Variants in FHIT observed in about 807,000 individuals in gnomAD.
The protein encoded by FHIT is fragile histidine triad diadenosine triphosphatase.
A neutral mutation model predicts 17.9 loss-of-function variants in FHIT; 19 were observed. The observed-to-expected ratio is 1.06, with a 90% CI of 0.74 to 1.56. The LOEUF (loss-of-function observed/expected upper bound fraction) is 1.56, where lower values mean the gene tolerates loss of function less well. Ranked by LOEUF, FHIT falls within the 40% of genes most tolerant of loss-of-function variation. FHIT has a pLI of 0.00. For missense variants in FHIT, 248 were observed against 189.2 expected, an observed-to-expected ratio of 1.31 and a Z score of -1.82; for synonymous variants, 81 against 69.7, an observed-to-expected ratio of 1.16 and a Z score of -0.81.
chr3:60,504,001 T>G (rs190166229), intron 5 of FHIT, among the ~76,000 whole-genome samples: 26 of 152,290 alleles, frequency 1.7e-4, no homozygotes, highest in African/African-American at 5.3e-4. Context: ...ATCACCAGAT[T>G]ATATCACAAA....
At chr3:60,955,881 A>C (rs1267824151) in intron 3 of FHIT, among the ~76,000 whole-genome samples, 1 of 152,076 alleles carries the variant, frequency 6.6e-6, no homozygotes, top group African/African-American at 2.4e-5. Context: ...TATTTTATAA[A>C]TACAACATGT....
intron 8 of FHIT, among the ~76,000 whole-genome samples, chr3:59,903,836 A>T (rs529923314): frequency 1.1e-4 from 16 of 152,290 alleles, no homozygotes; most frequent in African/African-American, 3.8e-4. Context: ...AGTTGAAGAG[A>T]AGGCAAAGTT....
chr3:61,122,344 A>T (rs1286502685), intron 2 of FHIT, among the ~76,000 whole-genome samples: 2 of 152,224 alleles, frequency 1.3e-5, no homozygotes. Flanking sequence ...CACCTTATAC[A>T]AAAATTAACT....
chr3:59,834,138 G>A (rs1230772549), intron 8 of FHIT, among the ~76,000 whole-genome samples: 1 of 152,164 alleles, frequency 6.6e-6, no homozygotes, highest in Non-Finnish European at 1.5e-5. Flanking sequence ...GCAGCACAAT[G>A]CAATGGTCAT....
chr3:60,307,929 A>C (rs887881787), intron 5 of FHIT, among the ~76,000 whole-genome samples: 1 of 152,156 alleles, frequency 6.6e-6, no homozygotes, highest in African/African-American at 2.4e-5. Flanking sequence ...GACAGTAGCC[A>C]ACATTTACCA....
chr3:60,535,011 A>G (rs1451302275), intron 5 of FHIT, among the ~76,000 whole-genome samples: 2 of 152,224 alleles, frequency 1.3e-5, no homozygotes, highest in Non-Finnish European at 2.9e-5. Flanking sequence ...AGTTCATTCC[A>G]TTATTAACCA....
At chr3:60,595,269 G>A in intron 4 of FHIT, among the ~76,000 whole-genome samples, 1 of 152,062 alleles carries the variant, frequency 6.6e-6, no homozygotes, top group East Asian at 1.9e-4. Context: ...CATCAAGAAA[G>A]TAGGATGGAC....
chr3:60,565,727 A>AT (rs1354201429), intron 4 of FHIT, among the ~76,000 whole-genome samples: 1 of 152,144 alleles, frequency 6.6e-6, no homozygotes. Flanking sequence ...GGATTCACTG[A>AT]TTTTTTGAAG....
intron 3 of FHIT, among the ~76,000 whole-genome samples, chr3:61,024,252 A>G (rs1575858038): frequency 6.6e-6 from 1 of 152,158 alleles, no homozygotes; most frequent in East Asian, 1.9e-4. Flanking sequence ...CAAAGCTTCA[A>G]AGGACTTTCT....
chr3:60,776,620 C>A (rs193275959), intron 4 of FHIT, among the ~76,000 whole-genome samples: 17 of 152,302 alleles, frequency 1.1e-4, no homozygotes, highest in Non-Finnish European at 2.1e-4. Context: ...ACACACGGAA[C>A]TAACCGCACC....
intron 2 of FHIT, among the ~76,000 whole-genome samples, chr3:61,045,879 C>G (rs2033761050): frequency 6.6e-6 from 1 of 152,104 alleles, no homozygotes; most frequent in African/African-American, 2.4e-5. Context: ...CAACCTGCTC[C>G]TAAATGACTA....
chr3:60,596,495 A>T (rs1295806888), intron 4 of FHIT, among the ~76,000 whole-genome samples: 1 of 152,012 alleles, frequency 6.6e-6, no homozygotes, highest in Non-Finnish European at 1.5e-5. Flanking sequence ...TAATCTCCAA[A>T]ATCCTTTCCA....
At chr3:61,054,743 A>C (rs2034155501) in intron 2 of FHIT, among the ~76,000 whole-genome samples, 1 of 152,150 alleles carries the variant, frequency 6.6e-6, no homozygotes, top group African/African-American at 2.4e-5. Context: ...CTGGATGGAC[A>C]GCTGTCTCCT....
chr3:60,877,857 T>C (rs1000143107), intron 3 of FHIT, among the ~76,000 whole-genome samples: 2 of 152,114 alleles, frequency 1.3e-5, no homozygotes, highest in African/African-American at 4.8e-5. Flanking sequence ...TGCTACTCCC[T>C]GCCCTCCAGG....
chr3:60,455,798 A>C (rs1388150831), intron 5 of FHIT, among the ~76,000 whole-genome samples: 1 of 152,114 alleles, frequency 6.6e-6, no homozygotes, highest in Non-Finnish European at 1.5e-5. Context: ...AAATTATTTG[A>C]ATAAACATTG....
At chr3:60,466,702 T>G (rs1259755034) in intron 5 of FHIT, among the ~76,000 whole-genome samples, 1 of 152,122 alleles carries the variant, frequency 6.6e-6, no homozygotes, top group Non-Finnish European at 1.5e-5. Context: ...CATCCTTGCG[T>G]AACTGGAATA....
At chr3:60,343,916 C>G (rs1256279903) in intron 5 of FHIT, among the ~76,000 whole-genome samples, 1 of 152,118 alleles carries the variant, frequency 6.6e-6, no homozygotes, top group Non-Finnish European at 1.5e-5. Flanking sequence ...AATCATGTAT[C>G]ACTTTCTCTT....
intron 7 of FHIT, among the ~76,000 whole-genome samples, chr3:59,970,911 G>A (rs1248085379): frequency 2.2e-4 from 18 of 81,872 alleles, no homozygotes; most frequent in African/African-American, 6.6e-4. Context: ...GACGGAACAA[G>A]CAGGGATTAA....
chr3:59,815,338 A>G (rs1044523964), intron 8 of FHIT, among the ~76,000 whole-genome samples: 2 of 152,190 alleles, frequency 1.3e-5, no homozygotes, highest in African/African-American at 4.8e-5. Flanking sequence ...TTAAATAACT[A>G]AAAGGGGAAT....
Sources: allele counts gnomAD v4.1 joint callset (sites outside exome capture counted in the v4.1 genomes callset), GRCh38; gene constraint gnomAD v4.1.1; transcripts MANE v1.5; gene names NCBI Gene and HGNC (gene_info 2026-07-23, HGNC 2026-07-21).